The following MLLT3 variants were observed in gnomAD, a reference collection of about 807,000 sequenced individuals.
MLLT3 encodes protein AF-9.
In MLLT3, 4 loss-of-function variants were observed where a neutral mutation model predicts 53.2. That is an observed-to-expected ratio of 0.08 (90% CI 0.04 to 0.17). The LOEUF (loss-of-function observed/expected upper bound fraction) is 0.17, where lower values mean the gene tolerates loss of function less well. Ranked by LOEUF, MLLT3 falls within the 10% of genes least tolerant of loss-of-function variation. The pLI, the probability that MLLT3 is intolerant of heterozygous loss-of-function variation, is 1.00. For synonymous variants in MLLT3, 283 were observed against 230.6 expected, an observed-to-expected ratio of 1.23 and a Z score of -2.06; for missense variants, 569 against 684.0, an observed-to-expected ratio of 0.83 and a Z score of 1.87.
intron 10 of MLLT3, among the ~76,000 whole-genome samples, chr9:20,348,354 T>C (rs1820929744): frequency 6.6e-6 from 1 of 152,238 alleles, no homozygotes; most frequent in Admixed American, 6.5e-5. Flanking sequence ...GAACTCACTG[T>C]TTTCAGGAAT....
intron 3 of MLLT3, among the ~76,000 whole-genome samples, chr9:20,449,008 C>A (rs1293144934): frequency 6.6e-6 from 1 of 152,152 alleles, no homozygotes; most frequent in African/African-American, 2.4e-5. Context: ...ACTACCTTCA[C>A]TGCCTACCTC....
At chr9:20,488,017 G>T (rs1397520229) in intron 2 of MLLT3, among the ~76,000 whole-genome samples, 1 of 151,918 alleles carries the variant, frequency 6.6e-6, no homozygotes, top group Admixed American at 6.6e-5. Context: ...AGTACACAAG[G>T]CAGGTAAGGT....
At chr9:20,601,874 AG>A (rs1820431561) in intron 2 of MLLT3, among the ~76,000 whole-genome samples, 1 of 152,170 alleles carries the variant, frequency 6.6e-6, no homozygotes, top group African/African-American at 2.4e-5. Flanking sequence ...CTATACAAAT[AG>A]GTCTGATTTC....
At chr9:20,610,558 C>CT (rs1157235088) in intron 2 of MLLT3, among the ~76,000 whole-genome samples, 1 of 152,038 alleles carries the variant, frequency 6.6e-6, no homozygotes, top group Non-Finnish European at 1.5e-5. Context: ...TTCTAAAACC[C>CT]TTTTTCTGAC....
At chr9:20,417,509 T>C (rs1822901032) in intron 4 of MLLT3, among the ~76,000 whole-genome samples, 3 of 151,788 alleles carry the variant, frequency 2.0e-5, no homozygotes, top group Admixed American at 2.0e-4. Flanking sequence ...TAGCATTCAA[T>C]GTAAAGTTTA....
rs573136971 is a variant in MLLT3 at position 20,518,163 on chromosome 9, T to C, written c.194-61377A>G. On this transcript the variant is annotated intron_variant, in intron 2 of 10. Coordinates refer to ENST00000380338, the MANE Select transcript of MLLT3 (RefSeq NM_004529.4). Reference sequence around the variant, plus strand: ...GAGTTCGCAACCAGCCTGGCCAACATGGTGAAACCTCATATCTACTAAAAA... The same window carrying C: ...GAGTTCGCAACCAGCCTGGCCAACACGGTGAAACCTCATATCTACTAAAAA... Among the ~76,000 whole-genome samples, 5 of 152,224 alleles carry C rather than the reference T, an allele frequency of 3.3e-5. No homozygotes were observed. The East Asian group carries it at 9.7e-4, about 30-fold the overall frequency.
intron 2 of MLLT3, among the ~76,000 whole-genome samples, chr9:20,566,977 C>G (rs1422194872): frequency 6.6e-6 from 1 of 152,066 alleles, no homozygotes; most frequent in Non-Finnish European, 1.5e-5. Context: ...TCCCTGATCT[C>G]AAGGGCAGTC....
chr9:20,572,564 C>T (rs1819556061), intron 2 of MLLT3, among the ~76,000 whole-genome samples: 1 of 152,176 alleles, frequency 6.6e-6, no homozygotes, highest in Non-Finnish European at 1.5e-5. Flanking sequence ...AAGGCCGAGG[C>T]AGGCGAATCA....
intron 2 of MLLT3, among the ~76,000 whole-genome samples, chr9:20,590,037 C>T (rs76547760): frequency 0.048 from 7,350 of 152,142 alleles, 446 homozygotes; most frequent in East Asian, 0.14. Flanking sequence ...CTGAGTTACC[C>T]GCCAGGAGAA....
At chr9:20,350,580 G>C (rs1019934679) in intron 10 of MLLT3, among the ~76,000 whole-genome samples, 1 of 114,264 alleles carries the variant, frequency 8.8e-6, no homozygotes, top group Non-Finnish European at 1.5e-5. Flanking sequence ...GGGCGACAGA[G>C]CGAGACTCCG....
chr9:20,599,742 GAC>G (rs1820370076), intron 2 of MLLT3, among the ~76,000 whole-genome samples: 1 of 152,118 alleles, frequency 6.6e-6, no homozygotes, highest in Non-Finnish European at 1.5e-5. Flanking sequence ...CAATAGTTCT[GAC>G]ACCAACACAG....
chr9:20,577,141 A>G (rs1159046127), intron 2 of MLLT3, among the ~76,000 whole-genome samples: 3 of 152,036 alleles, frequency 2.0e-5, no homozygotes, highest in Non-Finnish European at 2.9e-5. Flanking sequence ...AAAATTATAC[A>G]CTGTTCTGTG....
At position 20,621,347 on chromosome 9, in the gene MLLT3, G is replaced by A. The variant is rs1039553534; in HGVS notation, c.13-513C>T. On this transcript the variant is annotated intron_variant, in intron 1 of 10. Transcript: ENST00000380338. The surrounding 1 kb of genome is among the most constrained non-coding windows in gnomAD (Gnocchi z 7.0). ...GTGCGTGTGGAGCGCTGTGCCAGGC[G>A]AAATGGAAACTACAGGCAGCCTCTG... Among the ~76,000 whole-genome samples the A allele has an allele frequency of 1.3e-5, 2 of 152,058 alleles. No individual in the cohort carries two copies. Among genetic ancestry groups the A allele is most frequent in the Non-Finnish European group, 2.9e-5 (2 of 68,004 alleles).
Position 20,448,565 on chromosome 9 carries a change from C to T in MLLT3, c.277-299G>A, listed in dbSNP as rs1823763906. Among the ~76,000 whole-genome samples, 2 of 152,092 alleles carry T rather than the reference C, an allele frequency of 1.3e-5. No homozygotes were observed. The highest frequency in any genetic ancestry group is 1.3e-4 in the Admixed American group (2 of 15,250). On this transcript the variant is annotated intron_variant, in intron 3 of 10. Transcript: ENST00000380338. The surrounding 1 kb of genome is among the most constrained non-coding windows in gnomAD (Gnocchi z 4.0). Reference sequence around the variant, plus strand: ...CATAGCCACCCAACTAGAAACCAAGCACATTCCTTCCTCTTCCCCACCCCA... The same window carrying T: ...CATAGCCACCCAACTAGAAACCAAGTACATTCCTTCCTCTTCCCCACCCCA...
At chr9:20,614,461 T>C (rs1327576865) in intron 2 of MLLT3, among the ~76,000 whole-genome samples, 2 of 151,614 alleles carry the variant, frequency 1.3e-5, no homozygotes, top group Non-Finnish European at 2.9e-5. Context: ...GGCACGCACA[T>C]AGTAGGAGCT....
intron 9 of MLLT3, 107 bp from the exon 10 acceptor site, chr9:20,353,703 T>TCATTA: frequency 1.1e-6 from 1 of 920,150 alleles, no homozygotes; most frequent in African/African-American, 1.6e-5. Context: ...TGGAGGTTTC[T>TCATTA]CATTACACCA....
chr9:20,505,170 G>C (rs1825353140), intron 2 of MLLT3, among the ~76,000 whole-genome samples: 1 of 152,150 alleles, frequency 6.6e-6, no homozygotes, highest in Non-Finnish European at 1.5e-5. Flanking sequence ...AAGTTGGTGA[G>C]ATGCATGTGT....
chr9:20,418,509 G>C (rs1040513902), intron 4 of MLLT3: 3 of 152,200 alleles, frequency 2.0e-5, no homozygotes, highest in Admixed American at 6.5e-5. Flanking sequence ...GTTAGCTCTG[G>C]GGGCAGCAGG....
intron 2 of MLLT3, among the ~76,000 whole-genome samples, chr9:20,579,485 G>A (rs899115241): frequency 6.6e-6 from 1 of 151,888 alleles, no homozygotes; most frequent in Non-Finnish European, 1.5e-5. Flanking sequence ...CTTCTACAAA[G>A]AGCCCATGAG....
Sources: gnomAD v4.1 joint callset for allele counts (sites outside exome capture counted in the v4.1 genomes callset) on GRCh38, gnomAD v4.1.1 for gene constraint, Gnocchi (gnomAD v3.1) non-coding constraint, MANE v1.5 for transcripts, NCBI Gene and HGNC (gene_info 2026-07-23, HGNC 2026-07-21) for gene names.